The following PLK1 variants were observed in gnomAD, a reference collection of about 807,000 sequenced individuals.
PLK1 encodes the protein polo like kinase 1.
In PLK1, 6 loss-of-function variants were observed where a neutral mutation model predicts 56.7. The observed-to-expected ratio is 0.11, with a 90% CI of 0.06 to 0.21. PLK1 has a LOEUF of 0.21. PLK1 is among the 10% of genes least tolerant of loss of function. The pLI is 1.00. For synonymous variants in PLK1, 298 were observed against 325.0 expected (o/e 0.92, Z 0.89); for missense variants, 546 against 814.4 (o/e 0.67, Z 4.01).
intron 5 of PLK1, among the ~76,000 whole-genome samples, chr16:23,685,674 C>T (rs1428381782): frequency 6.6e-6 from 1 of 151,070 alleles, no homozygotes. Flanking sequence ...CACCACTGCA[C>T]TCCAGCCTGG....
In PLK1 at chr16:23,689,437, A is replaced by C. The variant is rs1175906922; in HGVS notation, c.1425+45A>C. On this transcript the variant is annotated intron_variant, in intron 8 of 9. Transcript: ENST00000300093. This position sits in a 1 kb window ranked among gnomAD's most constrained non-coding sequence, Gnocchi z 4.8. Reference sequence around the variant, plus strand: ...TGGGGGGTGGTGTTGCAGAAGTGGGACCTGTGCTGGAGGATCAGACTCTAA... The same window carrying C: ...TGGGGGGTGGTGTTGCAGAAGTGGGCCCTGTGCTGGAGGATCAGACTCTAA... 1 of 1,600,502 alleles carries C rather than the reference A, an allele frequency of 6.2e-7. No homozygotes were observed.
chr16:23,681,141 G>A (rs867486789), intron 3 of PLK1, 83 bp downstream of exon 3: 4 of 1,256,106 alleles, frequency 3.2e-6, no homozygotes, highest in Middle Eastern at 2.5e-4. Context: ...CTTTTCTGTG[G>A]ACCTTTCGGC....
chr16:23,684,353 A>T (rs1289204381), intron 5 of PLK1, among the ~76,000 whole-genome samples: 1 of 152,214 alleles, frequency 6.6e-6, no homozygotes, highest in African/African-American at 2.4e-5. Context: ...AATCACTTTA[A>T]TTAATTTAAT....
Position 23,678,929 on chromosome 16 carries a change from G to C in PLK1, c.-4G>C, listed in dbSNP as rs773419428. 19 of 1,520,888 alleles carry C rather than the reference G, an allele frequency of 1.2e-5. No individual in the cohort carries two copies. The highest frequency in any genetic ancestry group is 1.6e-5 in the Non-Finnish European group (18 of 1,131,746). The allele number at this position is 1,520,888 out of a possible 1,614,324, so 94.2% of individuals were successfully genotyped here. A position where few individuals can be genotyped will look rare whatever the true frequency, so the allele number is the denominator to read the frequency against. ...ATCGAGGTCTGCAGCGCAGCTTCGGGAGCATGAGTGCTGCAGTGACTGCAG... is the reference window on the plus strand; with the variant it reads ...ATCGAGGTCTGCAGCGCAGCTTCGGCAGCATGAGTGCTGCAGTGACTGCAG... On this transcript the variant is annotated 5_prime_UTR_variant, in exon 1 of 10. Coordinates refer to ENST00000300093, the MANE Select transcript of PLK1 (RefSeq NM_005030.6).
chr16:23,680,882 C>T (rs2140997751), intron 2 of PLK1, 32 bp from the exon 3 acceptor site: 1 of 1,590,324 alleles, frequency 6.3e-7, no homozygotes, highest in East Asian at 2.3e-5. Context: ...AGGCTGGCAT[C>T]TAAGTACCAA....
intron 5 of PLK1, among the ~76,000 whole-genome samples, chr16:23,685,864 A>G (rs1597135999): frequency 6.6e-6 from 1 of 152,000 alleles, no homozygotes; most frequent in East Asian, 1.9e-4. Context: ...TGATGTTCTA[A>G]TGGTAATTTT....
rs534661291 is a variant in PLK1, at chr16:23,689,843, C to T, written c.1609-17C>T. On this transcript the variant is annotated splice_polypyrimidine_tract_variant and intron_variant, in intron 9 of 9. Coordinates refer to ENST00000300093, the MANE Select transcript of PLK1 (RefSeq NM_005030.6). This position sits in a 1 kb window ranked among gnomAD's most constrained non-coding sequence, Gnocchi z 4.8. ...TGGCCTCTGGGATCGCCAACCCCTG[C>T]TGCTCTTCTCTTGCAGGATCACACC... is the stretch of plus-strand genomic sequence containing the variant. 1 of 1,609,894 alleles carries T rather than the reference C, an allele frequency of 6.2e-7. No individual in the cohort carries two copies. Among genetic ancestry groups the T allele is most frequent in the South Asian group, 1.1e-5 (1 of 91,000 alleles).
At chr16:23,685,694 C>T (rs62032990) in intron 5 of PLK1, among the ~76,000 whole-genome samples, 1 of 149,448 alleles carries the variant, frequency 6.7e-6, no homozygotes, top group Non-Finnish European at 1.5e-5. Flanking sequence ...GGCAACAGAG[C>T]GAGACTCTGT....
At position 23,689,914 on chromosome 16, in the gene PLK1, G is replaced by A. The variant is rs1959514269; in HGVS notation, c.1663G>A (p.Glu555Lys). The change falls in exon 10 of 10, where the codon GAG (glutamate) becomes AAG (lysine). Residue 555 changes from glutamate (E) to lysine (K), a missense_variant. Physicochemically the swap from Glu to Lys is moderately conservative, Grantham distance 56. Coordinates refer to ENST00000300093, the MANE Select transcript of PLK1 (RefSeq NM_005030.6). The surrounding 1 kb of genome is among the most constrained non-coding windows in gnomAD (Gnocchi z 4.8). The stretch of plus-strand genomic sequence containing the variant: ...GATGGCAGCCGTGACCTACATCGAC[G>A]AGAAGCGGGACTTCCGCACATACCG... ...PLMAAVTYID[E>K]KRDFRTYRLS... is the part of the protein sequence containing the mutation. The A allele has an allele frequency of 2.5e-6, 4 of 1,614,106 alleles. No individual in the cohort carries two copies. Among genetic ancestry groups the A allele is most frequent in the Middle Eastern group, 1.7e-4 (1 of 6,060 alleles).
intron 1 of PLK1, 102 bp from the exon 2 acceptor site, chr16:23,679,982 C>T (rs1959305722): frequency 2.6e-6 from 2 of 755,112 alleles, no homozygotes; most frequent in Admixed American, 5.1e-5. Context: ...CTTGGGAGTC[C>T]AGAGTCCAGT....
In PLK1 at chr16:23,689,584, G is replaced by A. The variant is rs1231915356; in HGVS notation, c.1516G>A (p.Ala506Thr). 5.0e-6 allele frequency: 8 copies of A among 1,613,584 alleles called. No homozygotes were observed. The highest frequency in any genetic ancestry group is 1.7e-5 in the Admixed American group (1 of 60,018). Residue 506 changes from alanine to threonine, a missense_variant, in exon 9 of 10, where the codon GCC becomes ACC. Coordinates refer to ENST00000300093, the MANE Select transcript of PLK1 (RefSeq NM_005030.6). This position sits in a 1 kb window ranked among gnomAD's most constrained non-coding sequence, Gnocchi z 4.8. ...CACGCCGCGCGAAGGTGATGAGCTCGCCCGGCTGCCCTACCTACGGACCTG... is the reference window on the plus strand; with the variant it reads ...CACGCCGCGCGAAGGTGATGAGCTCACCCGGCTGCCCTACCTACGGACCTG... ...NITPREGDEL[A>T]RLPYLRTWFR...
At chr16:23,682,024 G>A in intron 3 of PLK1, 40 bp from the exon 4 acceptor site, 1 of 1,031,196 alleles carries the variant, frequency 9.7e-7, no homozygotes, top group Non-Finnish European at 1.5e-6. Flanking sequence ...TCTGGGTTGT[G>A]GCTGGGAGAC....
intron 5 of PLK1, among the ~76,000 whole-genome samples, chr16:23,686,096 T>C (rs1471783279): frequency 6.6e-6 from 1 of 152,142 alleles, no homozygotes; most frequent in Admixed American, 6.5e-5. Context: ...TGGAGTGCAG[T>C]GGCACAGTCG....
At chr16:23,679,390 G>GC in intron 1 of PLK1, 50 bp downstream of exon 1, 1 of 1,542,968 alleles carries the variant, frequency 6.5e-7, no homozygotes, top group Non-Finnish European at 8.8e-7. Flanking sequence ...CAGTTGGAGC[G>GC]CCCAGACCTG....
intron 3 of PLK1, 47 bp from the exon 4 acceptor site, chr16:23,682,016 TG>T: frequency 1.0e-6 from 1 of 952,938 alleles, no homozygotes; most frequent in Non-Finnish European, 1.7e-6. Flanking sequence ...CTCTCATGTC[TG>T]GGTTGTGGCT....
rs2140999053 is a variant in PLK1, at chr16:23,683,969, A to G, written c.916A>G (p.Thr306Ala). ...INELLNDEFFTSGYIPARLPI... is the reference protein window; with the variant it reads ...INELLNDEFFASGYIPARLPI... The stretch of plus-strand genomic sequence containing the variant: ...CGAGCTGCTTAATGACGAGTTCTTT[A>G]CTTCTGGCTATATCCCTGCCCGTCT... Residue 306 changes from threonine (T) to alanine (A), a missense_variant, in exon 5 of 10, where the codon ACT becomes GCT. Coordinates refer to ENST00000300093, the MANE Select transcript of PLK1 (RefSeq NM_005030.6). 2 of 1,613,984 alleles carry G rather than the reference A, an allele frequency of 1.2e-6. No individual in the cohort carries two copies. Among genetic ancestry groups the G allele is most frequent in the Admixed American group, 3.3e-5 (2 of 60,010 alleles).
intron 5 of PLK1, 143 bp downstream of exon 5, chr16:23,684,232 C>T (rs530624542): frequency 1.5e-6 from 1 of 646,658 alleles, no homozygotes; most frequent in African/African-American, 1.8e-5. Context: ...TTCCAATGCC[C>T]ATCTGCTTCT....
Position 23,687,623 on chromosome 16 carries a change from A to G in PLK1, c.1191A>G (p.Gln397=), listed in dbSNP as rs749651955. 4 of 1,567,256 alleles carry G rather than the reference A, an allele frequency of 2.6e-6. No homozygotes were observed. In the South Asian group the frequency reaches 4.6e-5, roughly 18 times the overall value. Residue 397 remains glutamine, a splice_region_variant and synonymous_variant, in exon 6 of 10, where the codon CAA becomes CAG. Coordinates refer to ENST00000300093, the MANE Select transcript of PLK1 (RefSeq NM_005030.6). ...SKPSERGLVR[Q]EEAEDPACIP... is the part of the protein sequence containing the mutation. ...CCTCGGAGCGTGGGCTGGTCAGGCAAGGTGGGTACTGCGGGGCCCTGGGCG... is the reference window on the plus strand; with the variant it reads ...CCTCGGAGCGTGGGCTGGTCAGGCAGGGTGGGTACTGCGGGGCCCTGGGCG...
chr16:23,688,323 A>G (rs1959461265), intron 6 of PLK1, among the ~76,000 whole-genome samples: 1 of 152,204 alleles, frequency 6.6e-6, no homozygotes, highest in Admixed American at 6.5e-5. Context: ...CTACAACCAC[A>G]GTGTAAGCTC....
Sources: gnomAD v4.1 joint callset for allele counts (sites outside exome capture counted in the v4.1 genomes callset) on GRCh38, gnomAD v4.1.1 for gene constraint, Gnocchi (gnomAD v3.1) non-coding constraint, MANE v1.5 for transcripts, NCBI Gene and HGNC (gene_info 2026-07-23, HGNC 2026-07-21) for gene names.